Variants in PSMC2 observed in about 807,000 individuals in gnomAD.
The protein encoded by PSMC2 is 26S proteasome regulatory subunit 7.
Under a neutral mutation model 53.3 loss-of-function variants are expected in PSMC2, and 7 were observed. The observed-to-expected ratio is 0.13, with a 90% CI of 0.07 to 0.25. The LOEUF is 0.25. Ranked by LOEUF, PSMC2 falls within the 10% of genes least tolerant of loss-of-function variation. The pLI, the probability that PSMC2 is intolerant of heterozygous loss-of-function variation, is 1.00. For missense variants in PSMC2, 241 were observed against 544.0 expected (o/e 0.44, Z 5.54); for synonymous variants, 169 against 183.9 (o/e 0.92, Z 0.66).
intron 5 of PSMC2, 73 bp from the exon 6 acceptor site, chr7:103,362,613 A>T (rs1374560776): frequency 2.2e-5 from 32 of 1,483,754 alleles, no homozygotes; most frequent in Non-Finnish European, 3.0e-5. Context: ...GGTTTTGGGG[A>T]TAAAGGACTA....
At chr7:103,347,889 T>A in intron 1 of PSMC2, 108 bp downstream of exon 1, 16 of 1,186,694 alleles carry the variant, frequency 1.3e-5, no homozygotes, top group Non-Finnish European at 1.7e-5. Context: ...CTCTGGCCCT[T>A]TTGTGCCCCT....
intron 4 of PSMC2, among the ~76,000 whole-genome samples, chr7:103,358,544 A>T (rs994098607): frequency 7.3e-5 from 11 of 150,662 alleles, no homozygotes; most frequent in African/African-American, 2.7e-4. Flanking sequence ...GCTTTTCTTT[A>T]TCTTTGAATT....
chr7:103,352,992 T>C (rs1409330989), intron 1 of PSMC2: 2 of 779,350 alleles, frequency 2.6e-6, no homozygotes, highest in Non-Finnish European at 4.8e-6. Context: ...ACTCTGTCTA[T>C]TTGCAAATGA....
In PSMC2 at chr7:103,363,505, A is replaced by G. The variant is rs1454995342; in HGVS notation, c.591+66A>G. On this transcript the variant is annotated intron_variant, in intron 7 of 11. Transcript: ENST00000292644. ...GATGTCTTTTGTGTATTGAGCACTA[A>G]AATTGCTTGTATATTAGATGGCTTT... The G allele has an allele frequency of 1.3e-5, 18 of 1,392,918 alleles. No homozygotes were observed. The East Asian group carries it at 4.1e-4, about 32-fold the overall frequency. 86.3% of individuals were successfully genotyped at this position (1,392,918 alleles called of 1,614,324 possible).
intron 1 of PSMC2, chr7:103,352,676 G>T (rs1203665368): frequency 7.0e-6 from 4 of 570,222 alleles, no homozygotes; most frequent in African/African-American, 5.7e-5. Context: ...TTACAAGTGT[G>T]AGCCACAGCA....
At chr7:103,357,617 A>G (rs1820112426) in intron 4 of PSMC2, among the ~76,000 whole-genome samples, 1 of 152,050 alleles carries the variant, frequency 6.6e-6, no homozygotes, top group African/African-American at 2.4e-5. Context: ...CATCCTTCCT[A>G]TGTAATTCTG....
At position 103,354,952 on chromosome 7, in the gene PSMC2, A is replaced by C. The variant is rs779013415; in HGVS notation, c.190+3A>C. The stretch of plus-strand genomic sequence containing the variant: ...CAAGAAAATTAATGAGCTCACTGGT[A>C]TGTATTTTTAAATTCCCATTTCCTT... On this transcript the variant is annotated splice_donor_region_variant and intron_variant, in intron 3 of 11. Coordinates refer to ENST00000292644, the MANE Select transcript of PSMC2 (RefSeq NM_002803.4). The C allele has an allele frequency of 6.3e-7, 1 of 1,581,088 alleles. No homozygotes were observed. The highest frequency in any genetic ancestry group is 8.7e-7 in the Non-Finnish European group (1 of 1,150,808).
chr7:103,350,947 G>A (rs1182652824), intron 1 of PSMC2, among the ~76,000 whole-genome samples: 1 of 152,046 alleles, frequency 6.6e-6, no homozygotes, highest in East Asian at 1.9e-4. Context: ...AGCTTCCCTT[G>A]GTTTCTCTTG....
chr7:103,361,208 G>A (rs1820372780), intron 4 of PSMC2, among the ~76,000 whole-genome samples: 2 of 151,924 alleles, frequency 1.3e-5, no homozygotes, highest in Admixed American at 1.3e-4. Context: ...TAAAGTCCGG[G>A]TGTGGTGGCT....
At chr7:103,365,661 G>A (rs1474923976) in intron 8 of PSMC2, among the ~76,000 whole-genome samples, 1 of 151,904 alleles carries the variant, frequency 6.6e-6, no homozygotes. Context: ...TGCGCGCAGT[G>A]GCTCACGTCT....
chr7:103,354,365 ATTT>A (rs752847513), intron 2 of PSMC2, among the ~76,000 whole-genome samples: 3 of 134,534 alleles, frequency 2.2e-5, no homozygotes, highest in East Asian at 2.2e-4. Context: ...TTCACACACG[ATTT>A]TTTTTTTTTT....
At chr7:103,349,094 C>G (rs1249930265) in intron 1 of PSMC2, among the ~76,000 whole-genome samples, 1 of 152,176 alleles carries the variant, frequency 6.6e-6, no homozygotes, top group African/African-American at 2.4e-5. Flanking sequence ...GTTCCTTAAG[C>G]TATTTTTAAA....
intron 8 of PSMC2, among the ~76,000 whole-genome samples, chr7:103,365,346 G>A (rs1820654864): frequency 6.6e-6 from 1 of 151,990 alleles, no homozygotes. Context: ...AAAAAGTTTA[G>A]ATAGGCCAGG....
intron 9 of PSMC2, among the ~76,000 whole-genome samples, chr7:103,366,863 G>A (rs1820743856): frequency 6.6e-6 from 1 of 152,068 alleles, no homozygotes; most frequent in South Asian, 2.1e-4. Flanking sequence ...GGAGTTCAGT[G>A]GCATGATCTT....
rs767825568 is a variant in PSMC2 at position 103,367,834 on chromosome 7, T to C, written c.1144+25T>C. The C allele has an allele frequency of 1.2e-6, 2 of 1,612,068 alleles. No individual in the cohort carries two copies. Among genetic ancestry groups the C allele is most frequent in the Non-Finnish European group, 1.7e-6 (2 of 1,179,188 alleles). On this transcript the variant is annotated intron_variant, in intron 11 of 11. Transcript: ENST00000292644. The surrounding 1 kb of genome is among the most constrained non-coding windows in gnomAD (Gnocchi z 6.1). ...GGTAAGTAGAAAGTTCTTGCTTATA[T>C]TTGCTGGTCTGTCTGCTCAGGCTGC...
At chr7:103,356,173 T>C (rs1022053374) in intron 4 of PSMC2, among the ~76,000 whole-genome samples, 6 of 152,126 alleles carry the variant, frequency 3.9e-5, no homozygotes, top group African/African-American at 4.8e-5. Flanking sequence ...TTTTTAGATA[T>C]AACTACATGT....
chr7:103,348,656 G>A (rs1400715068), intron 1 of PSMC2: 16 of 1,543,800 alleles, frequency 1.0e-5, no homozygotes, highest in African/African-American at 2.7e-5. Context: ...CAGGGTTCTC[G>A]CTCTTGTCGC....
At chr7:103,362,196 A>G in intron 5 of PSMC2, 108 bp downstream of exon 5, 1 of 1,543,026 alleles carries the variant, frequency 6.5e-7, no homozygotes, top group Non-Finnish European at 8.7e-7. Context: ...TTGGAATACC[A>G]AAGGATGATC....
rs35936603 is a variant in PSMC2 at position 103,359,138 on chromosome 7, C to CTTTTTTTTT, written c.291-2795_291-2787dup. On this transcript the variant is annotated intron_variant, in intron 4 of 11. Coordinates refer to ENST00000292644, the MANE Select transcript of PSMC2 (RefSeq NM_002803.4). Reference sequence around the variant, plus strand: ...CAGGTGCATACCACCCCATGTCTGGCTTTTTTTTTTTTTTTTTTTTTTTTT... The same window carrying CTTTTTTTTT: ...CAGGTGCATACCACCCCATGTCTGGCTTTTTTTTTTTTTTTTTTTTTTTTTTTTTTTTTT... Among the ~76,000 whole-genome samples, 51 of 31,334 alleles carry CTTTTTTTTT rather than the reference C, an allele frequency of 1.6e-3. 2 individuals are homozygous for CTTTTTTTTT. Among genetic ancestry groups the CTTTTTTTTT allele is most frequent in the East Asian group, 4.5e-3 (3 of 660 alleles). 20.6% of individuals were successfully genotyped at this position (31,334 alleles called of 152,430 possible).
Sources: gnomAD v4.1 joint callset for allele counts (sites outside exome capture counted in the v4.1 genomes callset) on GRCh38, gnomAD v4.1.1 for gene constraint, Gnocchi (gnomAD v3.1) non-coding constraint, MANE v1.5 for transcripts, NCBI Gene and HGNC (gene_info 2026-07-23, HGNC 2026-07-21) for gene names.